Variants in ZBTB44 observed in about 807,000 individuals in gnomAD.
The protein encoded by ZBTB44 is zinc finger and BTB domain-containing protein 44.
A neutral mutation model predicts 54.0 loss-of-function variants in ZBTB44; 15 were observed. The observed-to-expected ratio is 0.28, with a 90% CI of 0.19 to 0.43. ZBTB44 has a LOEUF of 0.43. Ranked by LOEUF, ZBTB44 falls within the 20% of genes least tolerant of loss-of-function variation. The pLI, the probability that ZBTB44 is intolerant of heterozygous loss-of-function variation, is 1.00. For synonymous variants in ZBTB44, 230 were observed against 250.1 expected, an observed-to-expected ratio of 0.92 and a Z score of 0.76; for missense variants, 487 against 707.1, an observed-to-expected ratio of 0.69 and a Z score of 3.53.
intron 3 of ZBTB44, 170 bp downstream of exon 3, chr11:130,239,642 G>A: frequency 2.1e-6 from 1 of 483,262 alleles, no homozygotes; most frequent in Non-Finnish European, 3.7e-6. Flanking sequence ...AAAAAAAAAA[G>A]CCTTGTATAG....
At chr11:130,252,992 G>C (rs1277757953) in intron 2 of ZBTB44, among the ~76,000 whole-genome samples, 1 of 152,122 alleles carries the variant, frequency 6.6e-6, no homozygotes, top group Non-Finnish European at 1.5e-5. Context: ...ATGCAGAAAA[G>C]GCCTTTGACA....
chr11:130,237,882 C>T (rs1320553850), intron 4 of ZBTB44, among the ~76,000 whole-genome samples: 1 of 152,166 alleles, frequency 6.6e-6, no homozygotes, highest in African/African-American at 2.4e-5. Context: ...CTGTTGCCTT[C>T]ATGTGATTAC....
intron 1 of ZBTB44, among the ~76,000 whole-genome samples, chr11:130,304,810 A>C (rs1303960794): frequency 1.3e-5 from 2 of 152,188 alleles, no homozygotes; most frequent in Non-Finnish European, 2.9e-5. Flanking sequence ...GGAGGAAGTC[A>C]AACTGTTGCT....
At position 130,238,446 on chromosome 11, in the gene ZBTB44, G is replaced by A. The variant is rs1390720816; in HGVS notation, c.1265C>T (p.Ser422Leu). Residue 422 changes from serine to leucine, a missense_variant and splice_region_variant, in exon 4 of 8, where the codon TCA (serine) becomes TTA (leucine). By Grantham distance (145) the Ser-to-Leu change is moderately radical. Around this residue, in one of 3 missense-constraint regions of ZBTB44, gnomAD observed 120 missense variants for 240.3 expected, o/e 0.50. Coordinates refer to ENST00000357899, the MANE Select transcript of ZBTB44 (RefSeq NM_001301098.2). ...QNLKQHMLIH[S>L]GIKPFQCDRC... ...ACCAACAGGGAAGGTGACATTACCTGAGTGGATGAGCATGTGCTGCTTTAG... is the reference window on the plus strand; with the variant it reads ...ACCAACAGGGAAGGTGACATTACCTAAGTGGATGAGCATGTGCTGCTTTAG... 6.2e-7 allele frequency: 1 copy of A among 1,605,302 alleles called. No homozygotes were observed. The highest frequency in any genetic ancestry group is 8.5e-7 in the Non-Finnish European group (1 of 1,175,818).
intron 1 of ZBTB44, among the ~76,000 whole-genome samples, chr11:130,273,886 T>C (rs768140071): frequency 6.6e-6 from 1 of 151,024 alleles, no homozygotes; most frequent in South Asian, 2.1e-4. Flanking sequence ...CTGGCCAACA[T>C]GGAGAGACCC....
At chr11:130,278,632 A>C (rs1286091629) in intron 1 of ZBTB44, among the ~76,000 whole-genome samples, 1 of 151,972 alleles carries the variant, frequency 6.6e-6, no homozygotes, top group African/African-American at 2.4e-5. Flanking sequence ...TTATTATCTT[A>C]TCTCTGTTCC....
chr11:130,250,865 A>C (rs988008355), intron 2 of ZBTB44, among the ~76,000 whole-genome samples: 1 of 152,232 alleles, frequency 6.6e-6, no homozygotes, highest in African/African-American at 2.4e-5. Flanking sequence ...TGAAAATTCC[A>C]AAAACCAGAA....
At position 130,261,530 on chromosome 11, in the gene ZBTB44, C is replaced by T. The variant is rs1938864560; in HGVS notation, c.344G>A (p.Ser115Asn). Residue 115 changes from serine (S) to asparagine (N), a missense_variant, in exon 2 of 8, where the codon AGT becomes AAT. Coordinates refer to ENST00000357899, the MANE Select transcript of ZBTB44 (RefSeq NM_001301098.2). This position sits in a 1 kb window ranked among gnomAD's most constrained non-coding sequence, Gnocchi z 4.8. ...GAACTCTGAGCAGGTGCTGGCAACA[C>T]TGAACATTTGCATATAGCTGGCTGC... ...LAAASYMQMF[S>N]VASTCSEFMK... The T allele has an allele frequency of 2.5e-6, 4 of 1,613,990 alleles. No homozygotes were observed. The highest frequency in any genetic ancestry group is 1.7e-6 in the Non-Finnish European group (2 of 1,179,900).
At chr11:130,262,498 T>C (rs1388346502) in intron 1 of ZBTB44, among the ~76,000 whole-genome samples, 2 of 152,210 alleles carry the variant, frequency 1.3e-5, no homozygotes, top group African/African-American at 2.4e-5. Flanking sequence ...ATGACAATTA[T>C]AGAGTGTCTT....
intron 1 of ZBTB44, among the ~76,000 whole-genome samples, chr11:130,277,744 G>A (rs761348149): frequency 1.3e-5 from 2 of 151,810 alleles, no homozygotes; most frequent in Non-Finnish European, 2.9e-5. Context: ...ACCATCTAGG[G>A]TCATTTGCCT....
intron 1 of ZBTB44, among the ~76,000 whole-genome samples, chr11:130,287,742 G>A (rs1017431664): frequency 2.0e-5 from 3 of 152,098 alleles, no homozygotes; most frequent in Admixed American, 1.3e-4. Context: ...TATGTGGTTA[G>A]AGTGGGATTA....
chr11:130,289,703 C>G (rs1334651257), intron 1 of ZBTB44, among the ~76,000 whole-genome samples: 3 of 152,040 alleles, frequency 2.0e-5, no homozygotes, highest in Non-Finnish European at 2.9e-5. Flanking sequence ...ATAGGAGAGC[C>G]AGCCTAAGGA....
intron 1 of ZBTB44, among the ~76,000 whole-genome samples, chr11:130,298,963 G>A (rs1401718039): frequency 6.6e-6 from 1 of 152,002 alleles, no homozygotes; most frequent in Non-Finnish European, 1.5e-5. Context: ...TGCACCTATA[G>A]TGCCAGCTAC....
rs145151423 is a variant in ZBTB44, at chr11:130,255,776, G to A, written c.1018+5080C>T. ...CAGGGAATACTATAAACACCTCTTC[G>A]CAAATAAACTAGAAAATCTAGACGA... On this transcript the variant is annotated intron_variant, in intron 2 of 7. Transcript: ENST00000357899. Among the ~76,000 whole-genome samples the A allele has an allele frequency of 8.4e-3, 1,269 of 151,440 alleles. 24 individuals are homozygous for A. The highest frequency in any genetic ancestry group is 0.029 in the African/African-American group (1,187 of 41,250).
intron 2 of ZBTB44, among the ~76,000 whole-genome samples, chr11:130,252,720 G>C (rs1938120143): frequency 6.6e-6 from 1 of 152,100 alleles, no homozygotes; most frequent in South Asian, 2.1e-4. Context: ...CATTTTATGA[G>C]GCCAGCACCA....
chr11:130,286,740 A>T (rs894614154), intron 1 of ZBTB44, among the ~76,000 whole-genome samples: 2 of 152,236 alleles, frequency 1.3e-5, no homozygotes, highest in Non-Finnish European at 1.5e-5. Flanking sequence ...TAGGTAGAAC[A>T]ACAGCTTTTT....
chr11:130,279,880 G>T (rs1054801450), intron 1 of ZBTB44, among the ~76,000 whole-genome samples: 5 of 152,170 alleles, frequency 3.3e-5, no homozygotes, highest in Non-Finnish European at 7.3e-5. Context: ...GCATTCAGAA[G>T]AGATTAAGAA....
chr11:130,309,852 A>G (rs1230040039), intron 1 of ZBTB44, among the ~76,000 whole-genome samples: 1 of 150,300 alleles, frequency 6.7e-6, no homozygotes, highest in Admixed American at 6.7e-5. Flanking sequence ...GCTGAGATCG[A>G]GCCACTGCAT....
chr11:130,262,471 G>A (rs1938940558), intron 1 of ZBTB44, among the ~76,000 whole-genome samples: 1 of 152,152 alleles, frequency 6.6e-6, no homozygotes, highest in Non-Finnish European at 1.5e-5. Flanking sequence ...CTGCAGGGCT[G>A]CAACAGTTTG....
Sources: allele counts gnomAD v4.1 joint callset (sites outside exome capture counted in the v4.1 genomes callset), GRCh38; gene constraint gnomAD v4.1.1; regional missense constraint gnomAD v4.1.1; non-coding constraint Gnocchi (gnomAD v3.1); transcripts MANE v1.5; gene names NCBI Gene and HGNC (gene_info 2026-07-23, HGNC 2026-07-21).